RARB: variants seen among roughly 807,000 people sequenced by gnomAD.
RARB encodes the protein retinoic acid receptor beta.
A neutral mutation model predicts 51.9 loss-of-function variants in RARB; 17 were observed. That is an observed-to-expected ratio of 0.33 (90% confidence interval 0.22 to 0.49). The LOEUF (loss-of-function observed/expected upper bound fraction) is 0.49, where lower values mean the gene tolerates loss of function less well. Among genes scored for constraint, RARB ranks in the 20% least tolerant of loss-of-function variants. RARB has a pLI of 0.99. For missense variants in RARB, 369 were observed against 550.8 expected (o/e 0.67, Z 3.30); for synonymous variants, 215 against 195.4 (o/e 1.10, Z -0.84).
chr3:25,592,054 T>C (rs1165102639), intron 5 of RARB, among the ~76,000 whole-genome samples: 1 of 152,172 alleles, frequency 6.6e-6, no homozygotes, highest in African/African-American at 2.4e-5. Flanking sequence ...CCCCAGTGTT[T>C]CCCTGACAAG....
intron 5 of RARB, among the ~76,000 whole-genome samples, chr3:25,589,545 G>A (rs1391056142): frequency 1.3e-5 from 2 of 152,232 alleles, no homozygotes; most frequent in Non-Finnish European, 1.5e-5. Flanking sequence ...TAAGAGAGGT[G>A]ATGGCAGCTT....
At chr3:24,901,533 G>A (rs1703605901) in intron 2 of RARB, among the ~76,000 whole-genome samples, 1 of 152,168 alleles carries the variant, frequency 6.6e-6, no homozygotes, top group African/African-American at 2.4e-5. Flanking sequence ...GTGCCACTGG[G>A]CGCAGTTCAG....
At chr3:25,354,274 C>T (rs1358316933) in intron 5 of RARB, among the ~76,000 whole-genome samples, 1 of 152,044 alleles carries the variant, frequency 6.6e-6, no homozygotes, top group Non-Finnish European at 1.5e-5. Context: ...TCCCCTGTAA[C>T]TTTTTCATGC....
chr3:25,448,300 T>C (rs1178018962), intron 1 of RARB, among the ~76,000 whole-genome samples: 1 of 152,168 alleles, frequency 6.6e-6, no homozygotes. Context: ...CTTTGAATTA[T>C]TTTTTCAAGA....
chr3:25,292,988 A>G (rs992412979), intron 5 of RARB, among the ~76,000 whole-genome samples: 3 of 151,934 alleles, frequency 2.0e-5, no homozygotes, highest in Admixed American at 1.3e-4. Flanking sequence ...GATCCTAGAC[A>G]CTCAGTAAAG....
chr3:25,089,194 G>C (rs1395946408), intron 3 of RARB, among the ~76,000 whole-genome samples: 1 of 151,336 alleles, frequency 6.6e-6, no homozygotes, highest in Non-Finnish European at 1.5e-5. Context: ...TTTATTTTTG[G>C]TTTATTTTGG....
chr3:25,409,358 C>T (rs1575379953), intron 5 of RARB, among the ~76,000 whole-genome samples: 1 of 152,248 alleles, frequency 6.6e-6, no homozygotes, highest in East Asian at 1.9e-4. Context: ...TCAGCTCGCA[C>T]ACCATATGCC....
At chr3:24,841,479 A>G (rs1702420949) in intron 1 of RARB, among the ~76,000 whole-genome samples, 1 of 152,222 alleles carries the variant, frequency 6.6e-6, no homozygotes, top group Non-Finnish European at 1.5e-5. Flanking sequence ...TGCAGTTTTG[A>G]AATCCCATAT....
chr3:24,876,024 T>G (rs766222831), intron 2 of RARB, among the ~76,000 whole-genome samples: 14 of 152,150 alleles, frequency 9.2e-5, no homozygotes, highest in Non-Finnish European at 1.8e-4. Context: ...TCTAATAATT[T>G]CTTGTGATTG....
chr3:25,586,030 T>A (rs1030379651), intron 5 of RARB, among the ~76,000 whole-genome samples: 1 of 152,078 alleles, frequency 6.6e-6, no homozygotes, highest in Admixed American at 6.6e-5. Flanking sequence ...GTTGAAGAGC[T>A]TGACTGGAAA....
intron 5 of RARB, among the ~76,000 whole-genome samples, chr3:25,371,128 A>C (rs1418395051): frequency 6.6e-6 from 1 of 152,130 alleles, no homozygotes; most frequent in Non-Finnish European, 1.5e-5. Flanking sequence ...ATCTCCCAAC[A>C]TTCATGTGTT....
chr3:25,303,338 T>C (rs1020358584), intron 5 of RARB, among the ~76,000 whole-genome samples: 2 of 152,234 alleles, frequency 1.3e-5, no homozygotes, highest in African/African-American at 4.8e-5. Flanking sequence ...CTTTTAACAG[T>C]GAACTCCTGT....
At chr3:24,900,366 T>A (rs1442149710) in intron 2 of RARB, among the ~76,000 whole-genome samples, 1 of 152,244 alleles carries the variant, frequency 6.6e-6, no homozygotes, top group Non-Finnish European at 1.5e-5. Context: ...GTGTACCATA[T>A]TCATCTCTTT....
At chr3:25,122,556 T>TA (rs1699800675) in intron 3 of RARB, among the ~76,000 whole-genome samples, 1 of 152,148 alleles carries the variant, frequency 6.6e-6, no homozygotes, top group Non-Finnish European at 1.5e-5. Context: ...TGCTCAGACT[T>TA]ACGGCAAGGG....
At chr3:25,205,247 C>G (rs1421716605) in intron 5 of RARB, among the ~76,000 whole-genome samples, 3 of 152,174 alleles carry the variant, frequency 2.0e-5, no homozygotes, top group African/African-American at 7.2e-5. Context: ...TAATCTCCTG[C>G]TGTGCAGTTT....
chr3:25,340,274 T>C (rs1705191062), intron 5 of RARB, among the ~76,000 whole-genome samples: 1 of 152,138 alleles, frequency 6.6e-6, no homozygotes, highest in East Asian at 1.9e-4. Flanking sequence ...TCATGTTGTT[T>C]TAATAATTTT....
chr3:25,528,122 A>T (rs1048537952), intron 3 of RARB, among the ~76,000 whole-genome samples: 4 of 152,220 alleles, frequency 2.6e-5, no homozygotes, highest in African/African-American at 9.6e-5. Flanking sequence ...GTGGATGTTG[A>T]GGAAGGAAGA....
At chr3:25,543,209 C>T (rs905134600) in intron 3 of RARB, among the ~76,000 whole-genome samples, 1 of 152,142 alleles carries the variant, frequency 6.6e-6, no homozygotes, top group African/African-American at 2.4e-5. Context: ...GGTTTGGGAC[C>T]ACCTAAAGTA....
chr3:25,289,270 G>A (rs1703727904), intron 5 of RARB, among the ~76,000 whole-genome samples: 1 of 152,198 alleles, frequency 6.6e-6, no homozygotes. Flanking sequence ...CTGTGAGGTT[G>A]AAATGAGATC....
Sources: gnomAD v4.1 joint callset for allele counts (sites outside exome capture counted in the v4.1 genomes callset) on GRCh38, gnomAD v4.1.1 for gene constraint, MANE v1.5 for transcripts, NCBI Gene and HGNC (gene_info 2026-07-23, HGNC 2026-07-21) for gene names.